Variants in ST6GALNAC3 observed in about 807,000 individuals in gnomAD.
The protein encoded by ST6GALNAC3 is alpha-N-acetylgalactosaminide alpha-2,6-sialyltransferase 3.
A neutral mutation model predicts 32.7 loss-of-function variants in ST6GALNAC3; 25 were observed. The ratio of observed to expected loss-of-function variants is 0.76; its 90% CI spans 0.56 to 1.07. The LOEUF (loss-of-function observed/expected upper bound fraction) is 1.07. Ranked by LOEUF, ST6GALNAC3 falls within the 50% of genes least tolerant of loss-of-function variation. The probability of loss-of-function intolerance (pLI) is 0.00; values close to 1 mark genes in which losing one functional copy is unlikely to be tolerated. For missense variants in ST6GALNAC3, 355 were observed against 382.4 expected (o/e 0.93, Z 0.60); for synonymous variants, 129 against 133.1 (o/e 0.97, Z 0.21).
At chr1:76,397,516 C>T (rs1056519925) in intron 2 of ST6GALNAC3, among the ~76,000 whole-genome samples, 3 of 150,564 alleles carry the variant, frequency 2.0e-5, no homozygotes, top group East Asian at 3.9e-4. Context: ...ATTACAGGCA[C>T]GCACCACCAG....
At chr1:76,131,159 T>C (rs1649584995) in intron 1 of ST6GALNAC3, among the ~76,000 whole-genome samples, 1 of 152,242 alleles carries the variant, frequency 6.6e-6, no homozygotes, top group Non-Finnish European at 1.5e-5. Context: ...CGTAATACTC[T>C]GTTGATTTTA....
intron 3 of ST6GALNAC3, among the ~76,000 whole-genome samples, chr1:76,534,406 T>G (rs2101830157): frequency 6.6e-6 from 1 of 152,286 alleles, no homozygotes; most frequent in South Asian, 2.1e-4. Flanking sequence ...CCACCACCTT[T>G]AACTCTTCGC....
At chr1:76,170,663 C>T (rs374964195) in intron 1 of ST6GALNAC3, among the ~76,000 whole-genome samples, 87 of 152,214 alleles carry the variant, frequency 5.7e-4, no homozygotes, top group African/African-American at 1.8e-3. Context: ...GTATCAGACA[C>T]GCTAGTTTAA....
intron 3 of ST6GALNAC3, among the ~76,000 whole-genome samples, chr1:76,460,595 G>A (rs1658214746): frequency 6.6e-6 from 1 of 152,160 alleles, no homozygotes; most frequent in South Asian, 2.1e-4. Context: ...CATCTGTAAA[G>A]TTTCATCACT....
intron 1 of ST6GALNAC3, among the ~76,000 whole-genome samples, chr1:76,184,402 G>A (rs1412886991): frequency 1.3e-5 from 2 of 152,090 alleles, no homozygotes; most frequent in African/African-American, 4.8e-5. Flanking sequence ...AGCCGGGTGT[G>A]GTGGCGCATG....
chr1:76,376,718 A>G (rs1208721242), intron 2 of ST6GALNAC3, among the ~76,000 whole-genome samples: 1 of 152,214 alleles, frequency 6.6e-6, no homozygotes, highest in Non-Finnish European at 1.5e-5. Flanking sequence ...GTGTATTTAG[A>G]CCATTTATAT....
intron 1 of ST6GALNAC3, among the ~76,000 whole-genome samples, chr1:76,112,898 C>T (rs555225478): frequency 0.01 from 1,583 of 151,874 alleles, 34 homozygotes; most frequent in African/African-American, 0.037. Flanking sequence ...AGACGATGGG[C>T]GGCCAGGCAG....
chr1:76,475,567 T>C (rs1659295902), intron 3 of ST6GALNAC3, among the ~76,000 whole-genome samples: 1 of 152,166 alleles, frequency 6.6e-6, no homozygotes, highest in Non-Finnish European at 1.5e-5. Flanking sequence ...TGCATTTTAG[T>C]CAAGGATTAA....
intron 3 of ST6GALNAC3, among the ~76,000 whole-genome samples, chr1:76,626,370 G>A (rs1228038556): frequency 6.6e-6 from 1 of 151,928 alleles, no homozygotes; most frequent in African/African-American, 2.4e-5. Context: ...AAATGCCCCC[G>A]TGGAGAGTTT....
chr1:76,516,343 T>A (rs1662172946), intron 3 of ST6GALNAC3, among the ~76,000 whole-genome samples: 1 of 152,236 alleles, frequency 6.6e-6, no homozygotes, highest in Non-Finnish European at 1.5e-5. Context: ...TTTCTATTGT[T>A]TGCTTTTGAT....
intron 1 of ST6GALNAC3, among the ~76,000 whole-genome samples, chr1:76,269,896 C>G (rs1430984640): frequency 1.3e-5 from 2 of 152,026 alleles, no homozygotes; most frequent in South Asian, 4.1e-4. Context: ...GAGGGGATGC[C>G]GTAATGCATG....
At chr1:76,475,981 A>C (rs1659330219) in intron 3 of ST6GALNAC3, among the ~76,000 whole-genome samples, 1 of 152,198 alleles carries the variant, frequency 6.6e-6, no homozygotes, top group Non-Finnish European at 1.5e-5. Flanking sequence ...TAGTTTGCTG[A>C]GAATGACGAT....
At chr1:76,202,557 A>T (rs868049218) in intron 1 of ST6GALNAC3, among the ~76,000 whole-genome samples, 2 of 152,138 alleles carry the variant, frequency 1.3e-5, no homozygotes, top group African/African-American at 2.4e-5. Context: ...GGAACAGATG[A>T]ATGTGTGTAT....
chr1:76,624,621 G>A (rs1648849194), intron 3 of ST6GALNAC3, among the ~76,000 whole-genome samples: 1 of 151,816 alleles, frequency 6.6e-6, no homozygotes. Flanking sequence ...ATCAAAGGGA[G>A]GATGATTTTT....
At chr1:76,303,534 G>A (rs1200357793) in intron 1 of ST6GALNAC3, among the ~76,000 whole-genome samples, 1 of 152,036 alleles carries the variant, frequency 6.6e-6, no homozygotes, top group Non-Finnish European at 1.5e-5. Context: ...TTTTAGCTTT[G>A]TAAAGTACTT....
intron 1 of ST6GALNAC3, among the ~76,000 whole-genome samples, chr1:76,157,344 C>A (rs563773489): frequency 8.5e-5 from 13 of 152,126 alleles, no homozygotes; most frequent in Non-Finnish European, 1.9e-4. Context: ...CCTCCTACTC[C>A]AAAAATGATA....
intron 1 of ST6GALNAC3, among the ~76,000 whole-genome samples, chr1:76,291,715 C>T (rs927888705): frequency 1.3e-5 from 2 of 151,504 alleles, no homozygotes; most frequent in Admixed American, 1.3e-4. Context: ...TTCCTATGTT[C>T]AATTTGTTAT....
At chr1:76,149,205 T>C (rs1199512926) in intron 1 of ST6GALNAC3, among the ~76,000 whole-genome samples, 1 of 152,222 alleles carries the variant, frequency 6.6e-6, no homozygotes, top group East Asian at 1.9e-4. Flanking sequence ...CTGCTGCATA[T>C]GGTCAAATCA....
chr1:76,438,426 A>AC (rs566044876), intron 3 of ST6GALNAC3, among the ~76,000 whole-genome samples: 104 of 152,184 alleles, frequency 6.8e-4, no homozygotes, highest in Admixed American at 1.1e-3. Flanking sequence ...GGCGTGAGCC[A>AC]CCCCGCCTGG....
Sources: allele counts gnomAD v4.1 joint callset (sites outside exome capture counted in the v4.1 genomes callset), GRCh38; gene constraint gnomAD v4.1.1; transcripts MANE v1.5; gene names NCBI Gene and HGNC (gene_info 2026-07-23, HGNC 2026-07-21).